Variants in FAM107B observed in about 807,000 individuals in gnomAD.
FAM107B encodes the protein family with sequence similarity 107 member B, also known as protein FAM107B.
FAM107B carries 21 observed loss-of-function variants against 31.5 expected under a neutral mutation model. The ratio of observed to expected loss-of-function variants is 0.67; its 90% CI spans 0.47 to 0.96. The LOEUF is 0.96. Among genes scored for constraint, FAM107B ranks in the 40% least tolerant of loss-of-function variants. The pLI, the probability that FAM107B is intolerant of heterozygous loss-of-function variation, is 0.00. For missense variants in FAM107B, 452 were observed against 377.1 expected (o/e 1.20, Z -1.64); for synonymous variants, 157 against 141.5 (o/e 1.11, Z -0.78).
In FAM107B at chr10:14,774,844, C is replaced by G; in HGVS notation, c.-181G>C. On this transcript the variant is annotated 5_prime_UTR_variant, in exon 1 of 5. Coordinates refer to ENST00000181796, the MANE Select transcript of FAM107B (RefSeq NM_031453.4). Reference sequence around the variant, plus strand: ...ACCTTCCCTGAGAGTCACTTAGCCGCTGGGGCCCCTTTGAAAGTGTCCATC... The same window carrying G: ...ACCTTCCCTGAGAGTCACTTAGCCGGTGGGGCCCCTTTGAAAGTGTCCATC... The G allele has an allele frequency of 1.5e-6, 1 of 664,070 alleles. No homozygotes were observed. Among genetic ancestry groups the G allele is most frequent in the Non-Finnish European group, 2.5e-6 (1 of 398,974 alleles). The allele number at this position is 664,070 out of a possible 1,614,324, so 41.1% of individuals were successfully genotyped here.
chr10:14,689,998 A>G (rs1855089714), intron 1 of FAM107B, among the ~76,000 whole-genome samples: 1 of 127,380 alleles, frequency 7.9e-6, no homozygotes, highest in African/African-American at 3.1e-5. Context: ...AAGAAAGACA[A>G]AAGGAAGGAA....
chr10:14,672,890 T>C (rs896878709), intron 1 of FAM107B, among the ~76,000 whole-genome samples: 3 of 152,172 alleles, frequency 2.0e-5, no homozygotes, highest in Non-Finnish European at 4.4e-5. Context: ...GTTGGCAACA[T>C]TGGGAGTTAA....
intron 2 of FAM107B, among the ~76,000 whole-genome samples, chr10:14,593,716 T>C (rs1169589393): frequency 1.3e-5 from 2 of 151,792 alleles, no homozygotes; most frequent in Non-Finnish European, 2.9e-5. Flanking sequence ...AAGAAAATTA[T>C]TGCTTATCAT....
chr10:14,536,553 C>G (rs1219876319), intron 2 of FAM107B, among the ~76,000 whole-genome samples: 1 of 152,190 alleles, frequency 6.6e-6, no homozygotes, highest in Non-Finnish European at 1.5e-5. Flanking sequence ...AGGCAGGAGC[C>G]TGAGTTCCGG....
chr10:14,643,342 A>AT (rs1167073290), intron 2 of FAM107B, among the ~76,000 whole-genome samples: 1 of 151,612 alleles, frequency 6.6e-6, no homozygotes, highest in Non-Finnish European at 1.5e-5. Flanking sequence ...GGCAGGAGGG[A>AT]TCCCCTCTTA....
At chr10:14,765,701 A>G (rs1833147273) in intron 1 of FAM107B, among the ~76,000 whole-genome samples, 1 of 152,234 alleles carries the variant, frequency 6.6e-6, no homozygotes, top group South Asian at 2.1e-4. Context: ...ATTATTTACC[A>G]TATATTTTAA....
intron 1 of FAM107B, among the ~76,000 whole-genome samples, chr10:14,696,830 C>A (rs1395352118): frequency 6.6e-6 from 1 of 152,144 alleles, no homozygotes; most frequent in African/African-American, 2.4e-5. Flanking sequence ...GATGAGGGAG[C>A]AGACCCCGAG....
intron 1 of FAM107B, among the ~76,000 whole-genome samples, chr10:14,671,766 A>G (rs549840914): frequency 4.6e-5 from 7 of 152,064 alleles, no homozygotes; most frequent in African/African-American, 9.6e-5. Flanking sequence ...AGATGCTCCA[A>G]TGCTTTCTTC....
At chr10:14,725,965 A>C (rs2131554587) in intron 1 of FAM107B, among the ~76,000 whole-genome samples, 1 of 151,414 alleles carries the variant, frequency 6.6e-6, no homozygotes, top group Non-Finnish European at 1.5e-5. Context: ...AGCTGGGATT[A>C]CAGGCATGCA....
intron 1 of FAM107B, among the ~76,000 whole-genome samples, chr10:14,671,530 G>A (rs1854541910): frequency 6.6e-6 from 1 of 152,122 alleles, no homozygotes; most frequent in African/African-American, 2.4e-5. Flanking sequence ...CAGGCTGGTT[G>A]GAGGTTTTCT....
intron 1 of FAM107B, among the ~76,000 whole-genome samples, chr10:14,719,459 A>G (rs541627774): frequency 1.8e-4 from 28 of 152,320 alleles, no homozygotes; most frequent in African/African-American, 6.0e-4. Flanking sequence ...TGTTCTTTCA[A>G]CGAACATAAA....
chr10:14,554,170 T>C (rs1250320005), intron 2 of FAM107B: 2 of 985,286 alleles, frequency 2.0e-6, no homozygotes, highest in Non-Finnish European at 2.4e-6. Flanking sequence ...GCTTTTTCTT[T>C]ATCTCCTTTT....
At chr10:14,604,145 A>T in intron 2 of FAM107B, 1 of 408,932 alleles carries the variant, frequency 2.4e-6, no homozygotes, top group Non-Finnish European at 3.2e-6. Context: ...CCGCCCGCCG[A>T]GAGGGTCCCC....
At chr10:14,611,493 T>C (rs1167880398) in intron 2 of FAM107B, among the ~76,000 whole-genome samples, 2 of 8,734 alleles carry the variant, frequency 2.3e-4, no homozygotes, top group South Asian at 3.0e-3. Context: ...TTTATATATA[T>C]ATATATATAT....
At position 14,584,503 on chromosome 10, in the gene FAM107B, G is replaced by A. The variant is rs1371708639; in HGVS notation, c.470-53988C>T. 3.3e-5 allele frequency among the ~76,000 whole-genome samples: 5 copies of A among 152,196 alleles called. No individual in the cohort carries two copies. The South Asian group carries it at 1.0e-3, about 31-fold the overall frequency. ...ATGACAACAGCCTGTAAGATGCTGT[G>A]ATCCAAATAAAATAGTTGGTGCAGA... On this transcript the variant is annotated intron_variant, in intron 2 of 4. Coordinates refer to ENST00000181796, the MANE Select transcript of FAM107B (RefSeq NM_031453.4).
At chr10:14,668,408 A>G (rs976339388) in intron 1 of FAM107B, among the ~76,000 whole-genome samples, 2 of 152,158 alleles carry the variant, frequency 1.3e-5, no homozygotes, top group African/African-American at 2.4e-5. Flanking sequence ...TTTGTTTTTC[A>G]TCACTCAAGG....
At position 14,774,587 on chromosome 10, in the gene FAM107B, G is replaced by C; in HGVS notation, c.77C>G (p.Ala26Gly). ...CGTATTCCCAAAACAGGCGAGCAGA[G>C]CTGAGCACGGAAATGGATGCATGCT... ...SRSMHPFPCS[A>G]LLACFGNTRE... The change falls in exon 1 of 5, where the codon GCT (alanine) becomes GGT (glycine). Residue 26 changes from alanine to glycine, a missense_variant. Coordinates refer to ENST00000181796, the MANE Select transcript of FAM107B (RefSeq NM_031453.4). The C allele has an allele frequency of 1.2e-6, 2 of 1,614,222 alleles. No homozygotes were observed. Among genetic ancestry groups the C allele is most frequent in the Non-Finnish European group, 1.7e-6 (2 of 1,180,048 alleles).
chr10:14,521,441 G>T, intron 4 of FAM107B, 135 bp from the exon 5 acceptor site: 1 of 715,606 alleles, frequency 1.4e-6, no homozygotes, highest in Non-Finnish European at 2.3e-6. Flanking sequence ...CACTTTTAAA[G>T]AAATGGATGG....
chr10:14,689,272 C>T (rs1435919928), intron 1 of FAM107B, among the ~76,000 whole-genome samples: 1 of 151,164 alleles, frequency 6.6e-6, no homozygotes, highest in Non-Finnish European at 1.5e-5. Context: ...CCCAGCTCCT[C>T]AGGAGGCTGA....
Sources: gnomAD v4.1 joint callset for allele counts (sites outside exome capture counted in the v4.1 genomes callset) on GRCh38, gnomAD v4.1.1 for gene constraint, MANE v1.5 for transcripts, NCBI Gene and HGNC (gene_info 2026-07-23, HGNC 2026-07-21) for gene names.